MCMDC2: variants seen among roughly 807,000 people sequenced by gnomAD.
MCMDC2 encodes the protein minichromosome maintenance domain-containing protein 2.
A neutral mutation model predicts 75.8 loss-of-function variants in MCMDC2; 54 were observed. The observed-to-expected ratio is 0.71, with a 90% CI of 0.57 to 0.89. The LOEUF (loss-of-function observed/expected upper bound fraction) is 0.89. Among genes scored for constraint, MCMDC2 ranks in the 40% least tolerant of loss-of-function variants. The pLI is 0.00. For missense variants in MCMDC2, 656 were observed against 780.4 expected (o/e 0.84, Z 1.90); for synonymous variants, 249 against 274.6 (o/e 0.91, Z 0.92).
chr8:66,889,789 C>T (rs907280489), intron 9 of MCMDC2, among the ~76,000 whole-genome samples: 6 of 152,004 alleles, frequency 3.9e-5, no homozygotes, highest in Admixed American at 1.3e-4. Flanking sequence ...GCAGAGGTTG[C>T]GGTGAGCTGA....
Position 66,902,692 on chromosome 8 carries a change from C to CAAAAAA in MCMDC2, c.1769+1359_1769+1364dup, listed in dbSNP as rs530805303. On this transcript the variant is annotated intron_variant, in intron 13 of 14. Coordinates refer to ENST00000422365, the MANE Select transcript of MCMDC2 (RefSeq NM_173518.5). The stretch of plus-strand genomic sequence containing the variant: ...CTGGCGACAGAGCAAGATTCTGTCT[C>CAAAAAA]AAAAAAAAAAAAAAAAAAAATATAT... 1.4e-3 allele frequency among the ~76,000 whole-genome samples: 78 copies of CAAAAAA among 57,228 alleles called. 1 individual carries two copies. Among genetic ancestry groups the CAAAAAA allele is most frequent in the African/African-American group, 6.4e-3 (77 of 11,952 alleles). 37.5% of individuals were successfully genotyped at this position (57,228 alleles called of 152,430 possible).
intron 7 of MCMDC2, among the ~76,000 whole-genome samples, chr8:66,879,428 AC>A (rs1422414578): frequency 6.6e-6 from 1 of 152,140 alleles, no homozygotes; most frequent in Admixed American, 6.6e-5. Flanking sequence ...TCCCATCTCT[AC>A]TAAAAATACA....
chr8:66,877,566 C>A (rs771997390), intron 5 of MCMDC2, 22 bp downstream of exon 5: 1 of 1,568,030 alleles, frequency 6.4e-7, no homozygotes, highest in South Asian at 1.2e-5. Flanking sequence ...ATAGGAAAAT[C>A]AAAGCATTAA....
chr8:66,912,254 C>G (rs1166678069), intron 14 of MCMDC2, among the ~76,000 whole-genome samples: 2 of 152,140 alleles, frequency 1.3e-5, no homozygotes, highest in Non-Finnish European at 2.9e-5. Context: ...AGCAAGAGAA[C>G]TAGAATTAGA....
Position 66,883,834 on chromosome 8 carries a change from C to T in MCMDC2, c.913C>T (p.Leu305Phe), listed in dbSNP as rs773320366. ...CTCATGCTGGAAGTTTACAGCAATA[C>T]TTGCCAATATCTTTGCATCACAAAT... ...SSSCWKFTAI[L>F]ANIFASQITP... The change falls in exon 9 of 15, where the codon CTT (leucine) becomes TTT (phenylalanine). Residue 305 changes from leucine (L) to phenylalanine (F), a missense_variant. Leu to Phe is a conservative substitution (Grantham distance 22). Transcript: ENST00000422365. The T allele has an allele frequency of 1.4e-5, 22 of 1,613,852 alleles. No individual in the cohort carries two copies. The highest frequency in any genetic ancestry group is 1.6e-5 in the Non-Finnish European group (19 of 1,179,980).
chr8:66,903,167 A>G (rs895414424), intron 13 of MCMDC2, among the ~76,000 whole-genome samples: 1 of 152,050 alleles, frequency 6.6e-6, no homozygotes, highest in African/African-American at 2.4e-5. Flanking sequence ...AGTATTTTAA[A>G]TGTTACTTCA....
intron 7 of MCMDC2, 89 bp downstream of exon 7, chr8:66,879,008 C>T (rs371976375): frequency 3.5e-5 from 28 of 788,766 alleles, no homozygotes; most frequent in Non-Finnish European, 5.3e-5. Flanking sequence ...GTAATCCCAA[C>T]ACTTTTGGAG....
At chr8:66,905,841 C>G (rs1197090707) in intron 14 of MCMDC2, among the ~76,000 whole-genome samples, 1 of 151,882 alleles carries the variant, frequency 6.6e-6, no homozygotes, top group African/African-American at 2.4e-5. Context: ...CCCGTCTCTA[C>G]TAAAAGTACA....
intron 14 of MCMDC2, among the ~76,000 whole-genome samples, chr8:66,913,310 CAAAT>C: frequency 6.6e-6 from 1 of 152,242 alleles, no homozygotes; most frequent in Non-Finnish European, 1.5e-5. Context: ...ATTGGGAAAA[CAAAT>C]AATTGACGTG....
chr8:66,914,376 G>A (rs1585914268), intron 14 of MCMDC2, among the ~76,000 whole-genome samples: 1 of 151,546 alleles, frequency 6.6e-6, no homozygotes, highest in East Asian at 1.9e-4. Flanking sequence ...GATGTTATGA[G>A]AAAGAACAAT....
intron 12 of MCMDC2, among the ~76,000 whole-genome samples, chr8:66,897,398 C>T (rs1478978572): frequency 2.0e-5 from 3 of 147,760 alleles, no homozygotes; most frequent in Admixed American, 2.0e-4. Context: ...TAGAGTAAGA[C>T]CCTGTCTCAA....
intron 14 of MCMDC2, among the ~76,000 whole-genome samples, chr8:66,908,718 C>G (rs1812997168): frequency 6.6e-6 from 1 of 152,164 alleles, no homozygotes. Context: ...TCAAGTGATT[C>G]TCCTGCTTCA....
rs1213978658 is a variant in MCMDC2 at position 66,919,301 on chromosome 8, TATAAA to T, written c.*136_*140del. ...TATATTACAATACTGTTTTTAAAAATATAAAATATAGTCCCCTCAAAACTAATTGC... is the reference window on the plus strand; with the variant it reads ...TATATTACAATACTGTTTTTAAAAATATATAGTCCCCTCAAAACTAATTGC... On this transcript the variant is annotated 3_prime_UTR_variant, in exon 15 of 15. Coordinates refer to ENST00000422365, the MANE Select transcript of MCMDC2 (RefSeq NM_173518.5). The T allele has an allele frequency of 3.8e-5, 25 of 661,416 alleles. No individual in the cohort carries two copies. The Admixed American group carries it at 4.7e-4, about 12-fold the overall frequency. 41.0% of individuals were successfully genotyped at this position (661,416 alleles called of 1,614,324 possible).
In MCMDC2 at chr8:66,874,320, T is replaced by C. The variant is rs1463858639; in HGVS notation, c.95-6T>C. ...TCCTGACTTTTACATTTGTATATTT[T>C]CATAGATTCAAAACAAAGCTATGCT... On this transcript the variant is annotated splice_polypyrimidine_tract_variant and splice_region_variant and intron_variant, in intron 2 of 14. Coordinates refer to ENST00000422365, the MANE Select transcript of MCMDC2 (RefSeq NM_173518.5). 1 of 1,607,302 alleles carries C rather than the reference T, an allele frequency of 6.2e-7. No individual in the cohort carries two copies. Among genetic ancestry groups the C allele is most frequent in the African/African-American group, 1.3e-5 (1 of 74,448 alleles).
chr8:66,896,950 T>C lies in MCMDC2; in HGVS notation c.1617T>C (p.Asp539=), dbSNP rs761861183. The change falls in exon 12 of 15, where the codon GAT becomes GAC. Residue 539 remains aspartate (D), a synonymous_variant. Coordinates refer to ENST00000422365, the MANE Select transcript of MCMDC2 (RefSeq NM_173518.5). ...YAASRQFTTE[D]FEKLLAFAKN... Reference sequence around the variant, plus strand: ...CTTCTAGACAGTTCACAACTGAAGATTTTGAAAAGGTAAAGGTGGATAAAA... The same window carrying C: ...CTTCTAGACAGTTCACAACTGAAGACTTTGAAAAGGTAAAGGTGGATAAAA... The C allele has an allele frequency of 1.1e-5, 18 of 1,599,632 alleles. No individual in the cohort carries two copies. In the African/African-American group the frequency reaches 1.5e-4, roughly 13 times the overall value.
rs996373900 is a variant in MCMDC2, at chr8:66,870,801, A to C, written c.-119A>C. Reference sequence around the variant, plus strand: ...TCCGCTCCGCCTACGCTGCAGGCGGAGAGCAACCGCCAAGCTTGGTGGGAG... The same window carrying C: ...TCCGCTCCGCCTACGCTGCAGGCGGCGAGCAACCGCCAAGCTTGGTGGGAG... On this transcript the variant is annotated 5_prime_UTR_variant, in exon 1 of 15. Coordinates refer to ENST00000422365, the MANE Select transcript of MCMDC2 (RefSeq NM_173518.5). 1 of 152,188 alleles carries C rather than the reference A, an allele frequency of 6.6e-6. No homozygotes were observed. Among genetic ancestry groups the C allele is most frequent in the African/African-American group, 2.4e-5 (1 of 41,452 alleles). The allele number at this position is 152,188 out of a possible 1,614,324, so 9.4% of individuals were successfully genotyped here.
chr8:66,911,042 AT>A (rs1024788276), intron 14 of MCMDC2, among the ~76,000 whole-genome samples: 1 of 152,232 alleles, frequency 6.6e-6, no homozygotes, highest in African/African-American at 2.4e-5. Context: ...TAATGCTAGA[AT>A]GAATTAAAAC....
chr8:66,882,112 TAC>T (rs1811601999), intron 8 of MCMDC2, among the ~76,000 whole-genome samples: 1 of 152,152 alleles, frequency 6.6e-6, no homozygotes, highest in Admixed American at 6.5e-5. Context: ...TCCATGCTAT[TAC>T]CCCCAGACCC....
intron 14 of MCMDC2, among the ~76,000 whole-genome samples, chr8:66,906,540 G>A (rs1209614591): frequency 3.9e-5 from 6 of 151,904 alleles, no homozygotes; most frequent in Admixed American, 3.3e-4. Context: ...ACACATGTGT[G>A]TGCCTTATAC....
Sources: allele counts gnomAD v4.1 joint callset (sites outside exome capture counted in the v4.1 genomes callset), GRCh38; gene constraint gnomAD v4.1.1; transcripts MANE v1.5; gene names NCBI Gene and HGNC (gene_info 2026-07-23, HGNC 2026-07-21).